CLMP: variants seen among roughly 807,000 people sequenced by gnomAD.
CLMP encodes the protein CXADR like cell adhesion molecule, also known as CXADR-like membrane protein.
CLMP carries 27 observed loss-of-function variants against 45.2 expected under a neutral mutation model. That is an observed-to-expected ratio of 0.60 (90% CI 0.44 to 0.82). The LOEUF (loss-of-function observed/expected upper bound fraction) is 0.82, where lower values mean the gene tolerates loss of function less well. CLMP is among the 40% of genes least tolerant of loss of function. The probability of loss-of-function intolerance (pLI) is 0.00; values close to 1 mark genes in which losing one functional copy is unlikely to be tolerated. For missense variants in CLMP, 403 were observed against 448.4 expected (o/e 0.90, Z 0.91); for synonymous variants, 167 against 171.4 (o/e 0.97, Z 0.20).
intron 1 of CLMP, among the ~76,000 whole-genome samples, chr11:123,105,668 G>A (rs1860534214): frequency 6.6e-6 from 1 of 151,476 alleles, no homozygotes; most frequent in Non-Finnish European, 1.5e-5. Flanking sequence ...GACCTCAGGT[G>A]ATCTGCCTAT....
chr11:123,165,063 G>A (rs1034595553), intron 1 of CLMP, among the ~76,000 whole-genome samples: 1 of 152,178 alleles, frequency 6.6e-6, no homozygotes, highest in African/African-American at 2.4e-5. Context: ...TTGTGCATGG[G>A]ACAGGCTACG....
chr11:123,070,968 A>C lies in CLMP; in HGVS notation c.*2506T>G, dbSNP rs1423815626. 2.0e-5 allele frequency: 3 copies of C among 152,214 alleles called. No homozygotes were observed. The highest frequency in any genetic ancestry group is 7.2e-5 in the African/African-American group (3 of 41,456). The allele number at this position is 152,214 out of a possible 1,614,324, so 9.4% of individuals were successfully genotyped here. A position where few individuals can be genotyped will look rare whatever the true frequency, so the allele number is the denominator to read the frequency against. Reference sequence around the variant, plus strand: ...TTACAAGAATTTTGTTTTTTGCACTATGTGACGACACGATTGTGAGAATTA... The same window carrying C: ...TTACAAGAATTTTGTTTTTTGCACTCTGTGACGACACGATTGTGAGAATTA... On this transcript the variant is annotated 3_prime_UTR_variant, in exon 7 of 7. Coordinates refer to ENST00000448775, the MANE Select transcript of CLMP (RefSeq NM_024769.5).
chr11:123,183,649 C>G (rs1713865029), intron 1 of CLMP, among the ~76,000 whole-genome samples: 1 of 152,138 alleles, frequency 6.6e-6, no homozygotes, highest in South Asian at 2.1e-4. Context: ...CTGAGGAACC[C>G]ACAGGACATG....
chr11:123,075,380 TTTTGTTTG>T (rs149732146), intron 5 of CLMP, among the ~76,000 whole-genome samples: 12 of 151,638 alleles, frequency 7.9e-5, no homozygotes, highest in African/African-American at 2.9e-4. Context: ...TGGCCAGGGT[TTTTGTTTG>T]TTTGTTTGTT....
chr11:123,180,599 G>GT (rs1861756310), intron 1 of CLMP, among the ~76,000 whole-genome samples: 1 of 98,910 alleles, frequency 1.0e-5, no homozygotes, highest in Non-Finnish European at 2.2e-5. Flanking sequence ...ATGCATAGGA[G>GT]TAAAAAAAAA....
At chr11:123,161,334 C>T (rs1455801065) in intron 1 of CLMP, among the ~76,000 whole-genome samples, 1 of 152,156 alleles carries the variant, frequency 6.6e-6, no homozygotes, top group Admixed American at 6.5e-5. Flanking sequence ...CAGTCATGCT[C>T]AGCCTGCATG....
chr11:123,118,459 C>T lies in CLMP; in HGVS notation c.29-20507G>A, dbSNP rs114946843. Among the ~76,000 whole-genome samples the T allele has an allele frequency of 3.7e-3, 559 of 152,298 alleles. 2 individuals are homozygous for T. Among genetic ancestry groups the T allele is most frequent in the African/African-American group, 0.013 (544 of 41,580 alleles). On this transcript the variant is annotated intron_variant, in intron 1 of 6. Coordinates refer to ENST00000448775, the MANE Select transcript of CLMP (RefSeq NM_024769.5). ...CAAGACTGCAATAAACTTTAATCTG[C>T]TTCTTACATCAAATGTGTGAGCAGA...
chr11:123,126,776 A>G (rs542722982), intron 1 of CLMP, among the ~76,000 whole-genome samples: 1 of 152,168 alleles, frequency 6.6e-6, no homozygotes, highest in Middle Eastern at 3.4e-3. Context: ...GGGCGCCTGT[A>G]GTCCCAGCTA....
chr11:123,127,385 G>A (rs11219000), intron 1 of CLMP, among the ~76,000 whole-genome samples: 21,145 of 152,158 alleles, frequency 0.14, 1,840 homozygotes, highest in African/African-American at 0.24. Context: ...GCCTCCCAAA[G>A]TACTGGGATT....
intron 1 of CLMP, among the ~76,000 whole-genome samples, chr11:123,176,588 T>A (rs1196608846): frequency 6.6e-6 from 1 of 152,192 alleles, no homozygotes; most frequent in Non-Finnish European, 1.5e-5. Context: ...CCCTCTCACT[T>A]TGAATGCCTG....
chr11:123,092,907 CT>C (rs201940583), intron 2 of CLMP, among the ~76,000 whole-genome samples: 31,523 of 128,002 alleles, frequency 0.25, 3,730 homozygotes, highest in African/African-American at 0.39. Flanking sequence ...CTGACACACA[CT>C]TTTTTTTTTT....
chr11:123,091,310 G>A (rs1461835771), intron 2 of CLMP, among the ~76,000 whole-genome samples: 1 of 152,150 alleles, frequency 6.6e-6, no homozygotes, highest in Admixed American at 6.6e-5. Flanking sequence ...TCACCAGTTT[G>A]GCCAAGCTGG....
intron 3 of CLMP, among the ~76,000 whole-genome samples, 156 bp from the exon 4 acceptor site, chr11:123,084,003 C>G (rs1488935389): frequency 6.6e-6 from 1 of 152,202 alleles, no homozygotes; most frequent in Non-Finnish European, 1.5e-5. Flanking sequence ...TACACTACCC[C>G]CACCAAAACA....
intron 1 of CLMP, among the ~76,000 whole-genome samples, chr11:123,133,566 A>G (rs1288631292): frequency 6.6e-6 from 1 of 152,146 alleles, no homozygotes; most frequent in Non-Finnish European, 1.5e-5. Flanking sequence ...TCTCTAGCCC[A>G]TACTACAAAA....
intron 1 of CLMP, among the ~76,000 whole-genome samples, chr11:123,131,735 C>A (rs1377612163): frequency 6.6e-6 from 1 of 152,104 alleles, no homozygotes; most frequent in Non-Finnish European, 1.5e-5. Context: ...CCTGCCTCAG[C>A]CTCCCGAGTA....
Position 123,194,934 on chromosome 11 carries a change from G to A in CLMP, c.7C>T (p.Leu3Phe), listed in dbSNP as rs746181109. The A allele has an allele frequency of 7.4e-6, 12 of 1,612,838 alleles. No homozygotes were observed. Among genetic ancestry groups the A allele is most frequent in the Non-Finnish European group, 1.0e-5 (12 of 1,179,382 alleles). ...TCACCTAGCAAGAGGAGAAGGAGGAGGGACATCCCGATCCCCGGACGCGGG... is the reference window on the plus strand; with the variant it reads ...TCACCTAGCAAGAGGAGAAGGAGGAAGGACATCCCGATCCCCGGACGCGGG... MS[L>F]LLLLLLVSYY... Residue 3 changes from leucine to phenylalanine, a missense_variant, in exon 1 of 7, where the codon CTC becomes TTC. Coordinates refer to ENST00000448775, the MANE Select transcript of CLMP (RefSeq NM_024769.5).
chr11:123,179,677 G>A (rs1457235791), intron 1 of CLMP, among the ~76,000 whole-genome samples: 1 of 152,206 alleles, frequency 6.6e-6, no homozygotes, highest in Non-Finnish European at 1.5e-5. Flanking sequence ...AGGGGGCAGA[G>A]GCCAGTGTCC....
intron 1 of CLMP, among the ~76,000 whole-genome samples, chr11:123,176,011 A>G (rs1861694118): frequency 1.3e-5 from 2 of 152,098 alleles, no homozygotes; most frequent in African/African-American, 4.8e-5. Flanking sequence ...CTCACAGGGG[A>G]GTAAGAAAAA....
intron 1 of CLMP, among the ~76,000 whole-genome samples, chr11:123,165,093 C>A (rs764862514): frequency 6.6e-6 from 1 of 152,324 alleles, no homozygotes; most frequent in Non-Finnish European, 1.5e-5. Flanking sequence ...AAAATAGACA[C>A]CTCTTCAGAC....
Sources: allele counts gnomAD v4.1 joint callset (sites outside exome capture counted in the v4.1 genomes callset), GRCh38; gene constraint gnomAD v4.1.1; transcripts MANE v1.5; gene names NCBI Gene and HGNC (gene_info 2026-07-23, HGNC 2026-07-21).